The following MPP7 variants were observed in gnomAD, a reference collection of about 807,000 sequenced individuals.
The protein encoded by MPP7 is MAGUK p55 scaffold protein 7.
A neutral mutation model predicts 76.5 loss-of-function variants in MPP7; 60 were observed. That is an observed-to-expected ratio of 0.78 (90% CI 0.64 to 0.97). The LOEUF is 0.97. MPP7 is among the 50% of genes least tolerant of loss of function. The pLI is 0.00. For missense variants in MPP7, 641 were observed against 694.0 expected, an observed-to-expected ratio of 0.92 and a Z score of 0.86; for synonymous variants, 237 against 244.5, an observed-to-expected ratio of 0.97 and a Z score of 0.29.
Position 28,188,855 on chromosome 10 carries a change from G to A in MPP7, c.156+13298C>T, listed in dbSNP as rs548882124. ...AAAAAAAATGCCAGTCTGGACTTCCGTATCTAATGGAATTACACTTCAAAA... is the reference window on the plus strand; with the variant it reads ...AAAAAAAATGCCAGTCTGGACTTCCATATCTAATGGAATTACACTTCAAAA... On this transcript the variant is annotated intron_variant, in intron 3 of 16. Transcript: ENST00000683449. 3.3e-5 allele frequency among the ~76,000 whole-genome samples: 5 copies of A among 152,102 alleles called. No individual in the cohort carries two copies. In the East Asian group the frequency reaches 7.7e-4, roughly 24 times the overall value.
At chr10:28,333,365 G>A (rs1478123348) in intron 1 of MPP7, among the ~76,000 whole-genome samples, 2 of 151,964 alleles carry the variant, frequency 1.3e-5, no homozygotes, top group African/African-American at 2.4e-5. Context: ...GGCTGGTCTC[G>A]AACTCCTGAC....
Position 28,182,603 on chromosome 10 carries a change from AT to A in MPP7, c.156+19549del, listed in dbSNP as rs1837093893. The stretch of plus-strand genomic sequence containing the variant: ...CAATAGTGACATGGAGATAAAGATG[AT>A]TTCCAGACATATGACTCTTGTACTC... On this transcript the variant is annotated intron_variant, in intron 3 of 16. Transcript: ENST00000683449. 6.6e-5 allele frequency among the ~76,000 whole-genome samples: 10 copies of A among 152,332 alleles called. No homozygotes were observed. The South Asian group carries it at 2.1e-3, about 32-fold the overall frequency.
intron 11 of MPP7, among the ~76,000 whole-genome samples, chr10:28,096,493 T>C (rs1390027124): frequency 6.6e-6 from 1 of 152,192 alleles, no homozygotes; most frequent in Non-Finnish European, 1.5e-5. Flanking sequence ...TGGAGTAGAG[T>C]CTTCATAAAT....
intron 11 of MPP7, among the ~76,000 whole-genome samples, chr10:28,090,253 G>T (rs1258613108): frequency 6.6e-6 from 1 of 152,152 alleles, no homozygotes; most frequent in African/African-American, 2.4e-5. Flanking sequence ...GAGCCACTGT[G>T]CCTGGCCTAT....
chr10:28,108,043 G>GT, intron 11 of MPP7, among the ~76,000 whole-genome samples: 1 of 152,274 alleles, frequency 6.6e-6, no homozygotes, highest in Middle Eastern at 3.4e-3. Flanking sequence ...GGGTTTTCTA[G>GT]TTTGTTTTGT....
chr10:28,311,650 A>C (rs1841289975), intron 2 of MPP7, among the ~76,000 whole-genome samples: 2 of 152,148 alleles, frequency 1.3e-5, no homozygotes. Flanking sequence ...TGGAAGGCTG[A>C]GGTAGGAGGA....
At chr10:28,106,896 C>A (rs563397725) in intron 11 of MPP7, among the ~76,000 whole-genome samples, 5 of 152,308 alleles carry the variant, frequency 3.3e-5, no homozygotes, top group Admixed American at 2.0e-4. Flanking sequence ...TTTCTGATCA[C>A]CCCTTCCTTT....
At chr10:28,302,420 A>T (rs1841179270) in intron 1 of MPP7, among the ~76,000 whole-genome samples, 1 of 152,226 alleles carries the variant, frequency 6.6e-6, no homozygotes, top group South Asian at 2.1e-4. Flanking sequence ...ACACGACCCA[A>T]GTGAAGACGC....
At chr10:28,222,578 G>A (rs12254745) in intron 2 of MPP7, among the ~76,000 whole-genome samples, 15,968 of 151,978 alleles carry the variant, frequency 0.11, 875 homozygotes, top group Middle Eastern at 0.13. Context: ...AGTGATGGCC[G>A]GGCAGTGGTT....
intron 1 of MPP7, among the ~76,000 whole-genome samples, chr10:28,251,548 C>A (rs11006950): frequency 6.6e-6 from 1 of 152,022 alleles, no homozygotes; most frequent in East Asian, 1.9e-4. Flanking sequence ...GGAATACACC[C>A]TAAGAAATAA....
chr10:28,321,046 G>A (rs765571979), intron 2 of MPP7, among the ~76,000 whole-genome samples: 1 of 152,096 alleles, frequency 6.6e-6, no homozygotes, highest in Admixed American at 6.5e-5. Context: ...CGGGGAGATA[G>A]GCAGTTCCTC....
intron 2 of MPP7, among the ~76,000 whole-genome samples, chr10:28,322,626 A>G (rs897068344): frequency 1.3e-5 from 2 of 151,904 alleles, no homozygotes; most frequent in African/African-American, 4.8e-5. Flanking sequence ...CAGGGGTAAA[A>G]CTCAGTGCTC....
intron 2 of MPP7, among the ~76,000 whole-genome samples, chr10:28,328,742 T>G (rs1030893434): frequency 6.6e-6 from 1 of 152,228 alleles, no homozygotes; most frequent in Non-Finnish European, 1.5e-5. Context: ...ATTTTCTGTA[T>G]AGCTGGCACA....
chr10:28,230,370 G>A (rs1275151466), intron 2 of MPP7, among the ~76,000 whole-genome samples: 1 of 151,746 alleles, frequency 6.6e-6, no homozygotes, highest in Non-Finnish European at 1.5e-5. Flanking sequence ...ATTCACAAGA[G>A]CTCCATCAAT....
At chr10:28,282,943 T>TA (rs1006949873) in intron 1 of MPP7, among the ~76,000 whole-genome samples, 7 of 151,890 alleles carry the variant, frequency 4.6e-5, no homozygotes, top group Admixed American at 1.3e-4. Context: ...GGGTAGGCAT[T>TA]AAAAAAAGAT....
intron 11 of MPP7, among the ~76,000 whole-genome samples, chr10:28,094,041 T>G (rs954466890): frequency 2.0e-5 from 3 of 152,190 alleles, no homozygotes; most frequent in Non-Finnish European, 2.9e-5. Flanking sequence ...AGAGTTAAAA[T>G]TCTAAAAGGT....
chr10:28,220,580 T>C (rs746637799), intron 2 of MPP7, among the ~76,000 whole-genome samples: 27 of 152,196 alleles, frequency 1.8e-4, no homozygotes, highest in Non-Finnish European at 2.6e-4. Flanking sequence ...ATTCAAATCT[T>C]ACCTCTCATC....
At chr10:28,303,123 C>A (rs972917576), upstream of MPP7, among the ~76,000 whole-genome samples, 6 of 152,318 alleles carry the variant, frequency 3.9e-5, no homozygotes, top group Non-Finnish European at 7.4e-5. Flanking sequence ...GGGGCTGCAC[C>A]GCCCGCGGGT....
intron 3 of MPP7, among the ~76,000 whole-genome samples, chr10:28,170,172 T>C (rs1836631509): frequency 6.6e-6 from 1 of 152,144 alleles, no homozygotes; most frequent in South Asian, 2.1e-4. Flanking sequence ...CCTTTATGTA[T>C]ATACATATAT....
Sources: allele counts gnomAD v4.1 joint callset (sites outside exome capture counted in the v4.1 genomes callset), GRCh38; gene constraint gnomAD v4.1.1; transcripts MANE v1.5; gene names NCBI Gene and HGNC (gene_info 2026-07-23, HGNC 2026-07-21).